The following DHX9 variants were observed in gnomAD, a reference collection of about 807,000 sequenced individuals.
DHX9 encodes DExH-box helicase 9, also known as ATP-dependent RNA helicase A.
DHX9 carries 27 observed loss-of-function variants against 148.7 expected under a neutral mutation model. The ratio of observed to expected loss-of-function variants is 0.18; its 90% CI spans 0.13 to 0.25. DHX9 has a LOEUF of 0.25. Ranked by LOEUF, DHX9 falls within the 10% of genes least tolerant of loss-of-function variation. DHX9 has a pLI of 1.00. For synonymous variants in DHX9, 529 were observed against 516.6 expected (o/e 1.02, Z -0.33); for missense variants, 796 against 1,559.6 (o/e 0.51, Z 8.25).
chr1:182,886,775 C>G (rs1649350413), intron 27 of DHX9, among the ~76,000 whole-genome samples: 1 of 152,208 alleles, frequency 6.6e-6, no homozygotes, highest in African/African-American at 2.4e-5. Context: ...TCCAGGAACC[C>G]TCTCCTAATG....
intron 21 of DHX9, among the ~76,000 whole-genome samples, chr1:182,879,756 C>T (rs761539670): frequency 1.5e-4 from 23 of 152,084 alleles, no homozygotes; most frequent in Admixed American, 1.4e-3. Flanking sequence ...GACGGAATCT[C>T]GCTCCATTGC....
chr1:182,841,322 A>G (rs986795139), intron 1 of DHX9, among the ~76,000 whole-genome samples: 2 of 152,158 alleles, frequency 1.3e-5, no homozygotes, highest in Non-Finnish European at 2.9e-5. Flanking sequence ...ACTAAAGTTT[A>G]AATATATGTA....
rs1668308266 is a variant in DHX9 at position 182,859,087 on chromosome 1, C to T, written c.1110C>T (p.Tyr370=). The T allele has an allele frequency of 6.2e-7, 1 of 1,613,890 alleles. No individual in the cohort carries two copies. The highest frequency in any genetic ancestry group is 1.3e-5 in the African/African-American group (1 of 74,880). ...TGGACCTCAAGAATGAATTGATGTA[C>T]CAGTTGGAACAGGATCATGATTTGC... ...ISMDLKNELM[Y]QLEQDHDLQA... Residue 370 remains tyrosine, a synonymous_variant, in exon 11 of 28, where the codon TAC becomes TAT. Coordinates refer to ENST00000367549, the MANE Select transcript of DHX9 (RefSeq NM_001357.5).
At position 182,876,557 on chromosome 1, in the gene DHX9, T is replaced by C; in HGVS notation, c.2124+16T>C. ...AGTAACCAAGGTAAATATTAAACAT[T>C]AGAGTGATGGGATTGGAAGTGACGT... On this transcript the variant is annotated intron_variant, in intron 18 of 27. Coordinates refer to ENST00000367549, the MANE Select transcript of DHX9 (RefSeq NM_001357.5). 1.9e-6 allele frequency: 3 copies of C among 1,595,412 alleles called. No homozygotes were observed. The highest frequency in any genetic ancestry group is 3.3e-5 in the Admixed American group (2 of 59,936).
intron 1 of DHX9, among the ~76,000 whole-genome samples, chr1:182,842,166 T>C (rs1303653253): frequency 6.6e-6 from 1 of 152,194 alleles, no homozygotes; most frequent in Non-Finnish European, 1.5e-5. Flanking sequence ...ACCCACCATA[T>C]CTGTGTGCCA....
At chr1:182,880,890 T>C (rs1225051310) in intron 22 of DHX9, among the ~76,000 whole-genome samples, 5 of 152,192 alleles carry the variant, frequency 3.3e-5, no homozygotes, top group Admixed American at 3.3e-4. Flanking sequence ...CCTAGCACTT[T>C]GGGAGGCCAG....
rs574711577 is a variant in DHX9, at chr1:182,881,192, G to A, written c.2625-72G>A. ...GCCATAAAGACTGCAACCCACAGTC[G>A]ACAGTCCTACCTGAGCTGCTGGCAA... On this transcript the variant is annotated intron_variant, in intron 22 of 27. Transcript: ENST00000367549. 111 of 1,487,164 alleles carry A rather than the reference G, an allele frequency of 7.5e-5. No individual in the cohort carries two copies. The East Asian group carries it at 2.1e-3, about 28-fold the overall frequency. The allele number at this position is 1,487,164 out of a possible 1,614,324, so 92.1% of individuals were successfully genotyped here.
At chr1:182,880,629 CT>C (rs759062194) in intron 22 of DHX9, 21 bp downstream of exon 22, 2 of 1,479,966 alleles carry the variant, frequency 1.4e-6, no homozygotes, top group South Asian at 2.3e-5. Context: ...TGTTTTATTT[CT>C]CTTCGTTAAG....
chr1:182,862,205 GT>G (rs542763161), intron 12 of DHX9, among the ~76,000 whole-genome samples: 15 of 152,260 alleles, frequency 9.9e-5, no homozygotes, highest in Middle Eastern at 3.4e-3. Context: ...GTATTAGAAA[GT>G]TTTTTTATGT....
intron 22 of DHX9, among the ~76,000 whole-genome samples, chr1:182,880,920 A>AT (rs1649056365): frequency 6.6e-6 from 1 of 152,190 alleles, no homozygotes; most frequent in Non-Finnish European, 1.5e-5. Flanking sequence ...GTCCCTTGTT[A>AT]TTAATAGTTG....
In DHX9 at chr1:182,876,443, A is replaced by G. The variant is rs1311609106; in HGVS notation, c.2030-4A>G. 1 of 1,612,640 alleles carries G rather than the reference A, an allele frequency of 6.2e-7. No individual in the cohort carries two copies. The highest frequency in any genetic ancestry group is 1.3e-5 in the African/African-American group (1 of 74,898). Reference sequence around the variant, plus strand: ...GTCCCTGATTGTTCTTTATTGTTATATAGGAAGCCATCGGTATCAGATTCT... The same window carrying G: ...GTCCCTGATTGTTCTTTATTGTTATGTAGGAAGCCATCGGTATCAGATTCT... On this transcript the variant is annotated splice_polypyrimidine_tract_variant and splice_region_variant and intron_variant, in intron 17 of 27. Transcript: ENST00000367549.
At chr1:182,881,455 T>C in intron 23 of DHX9, 30 bp downstream of exon 23, 1 of 1,610,440 alleles carries the variant, frequency 6.2e-7, no homozygotes, top group South Asian at 1.1e-5. Context: ...GAGCTGTCTG[T>C]AGTTTCTCAT....
chr1:182,855,353 G>C (rs1161514107), intron 6 of DHX9, among the ~76,000 whole-genome samples: 1 of 152,174 alleles, frequency 6.6e-6, no homozygotes, highest in East Asian at 1.9e-4. Context: ...ATAGATTTCT[G>C]ATACAAAGCA....
intron 3 of DHX9, among the ~76,000 whole-genome samples, chr1:182,846,667 T>G (rs1487063719): frequency 6.6e-6 from 1 of 152,226 alleles, no homozygotes; most frequent in African/African-American, 2.4e-5. Flanking sequence ...TTCCTGTTAT[T>G]TTTGGTTTTT....
chr1:182,843,635 G>T (rs1322550887), intron 3 of DHX9, among the ~76,000 whole-genome samples: 1 of 152,066 alleles, frequency 6.6e-6, no homozygotes, highest in Non-Finnish European at 1.5e-5. Context: ...ACCTGTCTTA[G>T]GGGCTTGAGA....
intron 3 of DHX9, among the ~76,000 whole-genome samples, chr1:182,846,065 T>G (rs761141635): frequency 6.6e-6 from 1 of 152,148 alleles, no homozygotes; most frequent in Admixed American, 6.5e-5. Flanking sequence ...ACCGAAAGTT[T>G]CAGCCCTCTA....
intron 24 of DHX9, among the ~76,000 whole-genome samples, chr1:182,882,889 C>T (rs1649151567): frequency 6.6e-6 from 1 of 151,834 alleles, no homozygotes; most frequent in African/African-American, 2.4e-5. Flanking sequence ...AAGTAATCAC[C>T]CCAAGCTTAT....
At chr1:182,843,233 A>G in intron 2 of DHX9, 61 bp from the exon 3 acceptor site, 1 of 1,395,076 alleles carries the variant, frequency 7.2e-7, no homozygotes, top group Non-Finnish European at 9.4e-7. Flanking sequence ...CTGAATTACG[A>G]CTTTTTAAAA....
intron 14 of DHX9, among the ~76,000 whole-genome samples, chr1:182,871,346 CTGTT>C (rs1453311838): frequency 2.0e-5 from 3 of 152,150 alleles, no homozygotes; most frequent in East Asian, 3.9e-4. Context: ...TGCTTTATAT[CTGTT>C]TATTTAATAA....
Sources: gnomAD v4.1 joint callset for allele counts (sites outside exome capture counted in the v4.1 genomes callset) on GRCh38, gnomAD v4.1.1 for gene constraint, MANE v1.5 for transcripts, NCBI Gene and HGNC (gene_info 2026-07-23, HGNC 2026-07-21) for gene names.